FGFR3: variants seen among roughly 807,000 people sequenced by gnomAD.
FGFR3 encodes the protein fibroblast growth factor receptor 3, also known as FGFR-3.
A neutral mutation model predicts 82.9 loss-of-function variants in FGFR3; 25 were observed. The observed-to-expected ratio is 0.30, with a 90% CI of 0.22 to 0.42. The LOEUF is 0.42. Among genes scored for constraint, FGFR3 ranks in the 10% least tolerant of loss-of-function variants. The probability of loss-of-function intolerance (pLI) is 1.00; values close to 1 mark genes in which losing one functional copy is unlikely to be tolerated. For missense variants in FGFR3, 1,026 were observed against 1,161.0 expected, an observed-to-expected ratio of 0.88 and a Z score of 1.69; for synonymous variants, 620 against 516.0, an observed-to-expected ratio of 1.20 and a Z score of -2.73.
chr4:1,794,488 G>C (rs1192755816), intron 2 of FGFR3, among the ~76,000 whole-genome samples: 5 of 152,196 alleles, frequency 3.3e-5, no homozygotes, highest in Non-Finnish European at 7.4e-5. Context: ...AAGGGTGGGT[G>C]TGCGCGTCAG....
rs746250770 is a variant in FGFR3, at chr4:1,806,342, G to C, written c.2030+15G>C. The C allele has an allele frequency of 6.2e-7, 1 of 1,612,936 alleles. No individual in the cohort carries two copies. Among genetic ancestry groups the C allele is most frequent in the Non-Finnish European group, 8.5e-7 (1 of 1,179,934 alleles). On this transcript the variant is annotated intron_variant, in intron 15 of 17. Coordinates refer to ENST00000440486, the MANE Select transcript of FGFR3 (RefSeq NM_000142.5). The stretch of plus-strand genomic sequence containing the variant: ...CAGAGTGACGTGTACGTGTCCTGCA[G>C]AGCTCAGGCTTCAGGGGTGGAGGCG...
intron 4 of FGFR3, 152 bp downstream of exon 4, chr4:1,799,964 G>A (rs1720998429): frequency 1.2e-6 from 1 of 839,646 alleles, no homozygotes; most frequent in Admixed American, 2.7e-5. Context: ...TACAGGAGGG[G>A]CTGGGTCACT....
In FGFR3 at chr4:1,806,169, C is replaced by G. The variant is rs753665954; in HGVS notation, c.1955C>G (p.Thr652Ser). The change falls in exon 14 of 18, where the codon ACC becomes AGC. Residue 652 changes from threonine to serine, a missense_variant. By Grantham distance (58) the Thr-to-Ser change is moderately conservative (BLOSUM62 1). This residue lies in a region of FGFR3 where 45 missense variants were observed against 80.8 expected (regional missense o/e 0.56). Transcript: ENST00000440486. ...VHNLDYYKKT[T>S]NGRLPVKWMA... ...AACCTCGACTACTACAAGAAGACGA[C>G]CAACGTGAGCCCGGCCCTGGGGTGC... 31 of 1,612,660 alleles carry G rather than the reference C, an allele frequency of 1.9e-5. No homozygotes were observed. The highest frequency in any genetic ancestry group is 2.5e-5 in the Non-Finnish European group (29 of 1,179,672).
rs1207584243 is a variant in FGFR3, at chr4:1,801,461, C to G, written c.540C>G (p.Gly180=). Reference sequence around the variant, plus strand: ...TCCGCTTCCGCTGCCCAGCCGCTGGCAACCCCACTCCCTCCATCTCCTGGC... The same window carrying G: ...TCCGCTTCCGCTGCCCAGCCGCTGGGAACCCCACTCCCTCCATCTCCTGGC... ...NTVRFRCPAA[G]NPTPSISWLK... is the part of the protein sequence containing the mutation. The change falls in exon 5 of 18, where the codon GGC becomes GGG. Residue 180 remains glycine, a synonymous_variant. Coordinates refer to ENST00000440486, the MANE Select transcript of FGFR3 (RefSeq NM_000142.5). The G allele has an allele frequency of 6.4e-7, 1 of 1,553,616 alleles. No individual in the cohort carries two copies. Among genetic ancestry groups the G allele is most frequent in the Non-Finnish European group, 8.7e-7 (1 of 1,148,862 alleles).
In FGFR3 at chr4:1,801,310, C is replaced by CTT. The variant is rs1261578167; in HGVS notation, c.446-57_446-56insTT. The CTT allele has an allele frequency of 2.0e-6, 3 of 1,526,888 alleles. No homozygotes were observed. The African/African-American group carries it at 4.1e-5, about 21-fold the overall frequency. 94.6% of individuals were successfully genotyped at this position (1,526,888 alleles called of 1,614,324 possible). Reference sequence around the variant, plus strand: ...GGGCAGCTCTGGGAAGGGGGTTGTTCAGAGGGGCCTCTGCTCCCACTCGGG... The same window carrying CTT: ...GGGCAGCTCTGGGAAGGGGGTTGTTCTTAGAGGGGCCTCTGCTCCCACTCGGG... On this transcript the variant is annotated intron_variant, in intron 4 of 17. Transcript: ENST00000440486.
At position 1,799,356 on chromosome 4, in the gene FGFR3, C is replaced by T. The variant is rs1427631449; in HGVS notation, c.212C>T (p.Pro71Leu). 2 of 1,612,440 alleles carry T rather than the reference C, an allele frequency of 1.2e-6. No homozygotes were observed. Among genetic ancestry groups the T allele is most frequent in the African/African-American group, 1.3e-5 (1 of 74,930 alleles). The change falls in exon 3 of 18, where the codon CCC (proline) becomes CTC (leucine). Residue 71 changes from proline to leucine, a missense_variant. By Grantham distance (98) the Pro-to-Leu change is moderately conservative (BLOSUM62 -3). Coordinates refer to ENST00000440486, the MANE Select transcript of FGFR3 (RefSeq NM_000142.5). ...CPPPGGGPMGPTVWVKDGTGL... is the reference protein window; with the variant it reads ...CPPPGGGPMGLTVWVKDGTGL... ...CCGCCCGGGGGTGGTCCCATGGGGC[C>T]CACTGTCTGGGTCAAGGATGGCACA...
chr4:1,797,782 C>T (rs184125090), intron 2 of FGFR3, among the ~76,000 whole-genome samples: 66 of 152,270 alleles, frequency 4.3e-4, no homozygotes, highest in African/African-American at 1.1e-3. Flanking sequence ...AGGGCTCCTT[C>T]GGATGCTTCA....
chr4:1,793,633 C>T (rs1361082594), intron 1 of FGFR3, among the ~76,000 whole-genome samples, 168 bp downstream of exon 1: 1 of 148,914 alleles, frequency 6.7e-6, no homozygotes, highest in Non-Finnish European at 1.5e-5. Context: ...GAGGGCTTTG[C>T]AGCAGCCAGG....
At chr4:1,796,193 A>G (rs1186745236) in intron 2 of FGFR3, among the ~76,000 whole-genome samples, 2 of 152,152 alleles carry the variant, frequency 1.3e-5, no homozygotes, top group African/African-American at 4.8e-5. Context: ...CTGGACCTCT[A>G]GGCTGCCAGC....
intron 16 of FGFR3, 44 bp downstream of exon 16, chr4:1,806,727 G>C: frequency 6.2e-7 from 1 of 1,607,786 alleles, no homozygotes; most frequent in Non-Finnish European, 8.5e-7. Context: ...CAGGGGTGGG[G>C]GTCCCTCCGG....
Position 1,807,105 on chromosome 4 carries a change from C to G in FGFR3, c.2275-11C>G, listed in dbSNP as rs770134281. ...CGGTGGCACAGCGCTCACCCCGCCTCCCGCCAGCAGGAGTACCTGGACCTG... is the reference window on the plus strand; with the variant it reads ...CGGTGGCACAGCGCTCACCCCGCCTGCCGCCAGCAGGAGTACCTGGACCTG... On this transcript the variant is annotated splice_polypyrimidine_tract_variant and intron_variant, in intron 17 of 17. Transcript: ENST00000440486. 1.3e-6 allele frequency: 2 copies of G among 1,571,424 alleles called. No homozygotes were observed. The highest frequency in any genetic ancestry group is 2.3e-5 in the South Asian group (2 of 86,060).
rs767383309 is a variant in FGFR3 at position 1,803,108 on chromosome 4, C to G, written c.931-584C>G. The G allele has an allele frequency of 1.1e-5, 16 of 1,509,504 alleles. No homozygotes were observed. The South Asian group carries it at 1.9e-4, about 18-fold the overall frequency. 93.5% of individuals were successfully genotyped at this position (1,509,504 alleles called of 1,614,324 possible). A position where few individuals can be genotyped will look rare whatever the true frequency, so the allele number is the denominator to read the frequency against. On this transcript the variant is annotated intron_variant, in intron 7 of 17. Coordinates refer to ENST00000440486, the MANE Select transcript of FGFR3 (RefSeq NM_000142.5). ...GCCGGCCGGCACAAGAGCTCCAGCT[C>G]CAAGGCCCTGGCCGCGCGCCCTGCA...
In FGFR3 at chr4:1,804,415, C is replaced by T. The variant is rs2108797343; in HGVS notation, c.1161C>T (p.Ile387=). Residue 387 remains isoleucine, a synonymous_variant, in exon 9 of 18, where the codon ATC becomes ATT. Coordinates refer to ENST00000440486, the MANE Select transcript of FGFR3 (RefSeq NM_000142.5). ...ACGGGGTGGGCTTCTTCCTGTTCAT[C>T]CTGGTGGTGGCGGCTGTGACGCTCT... ...LSYGVGFFLF[I]LVVAAVTLCR... 5 of 1,613,126 alleles carry T rather than the reference C, an allele frequency of 3.1e-6. No individual in the cohort carries two copies. The highest frequency in any genetic ancestry group is 4.2e-6 in the Non-Finnish European group (5 of 1,179,682).
chr4:1,794,694 G>C (rs1720260002), intron 2 of FGFR3, among the ~76,000 whole-genome samples: 1 of 152,136 alleles, frequency 6.6e-6, no homozygotes, highest in Non-Finnish European at 1.5e-5. Flanking sequence ...TCGAGGGTCT[G>C]AAGGGAGGTC....
At chr4:1,799,544 A>G in intron 3 of FGFR3, 21 bp downstream of exon 3, 1 of 1,550,828 alleles carries the variant, frequency 6.4e-7, no homozygotes, top group Non-Finnish European at 8.7e-7. Context: ...GGGCCACGCC[A>G]GCTACAGAAA....
chr4:1,801,136 C>A (rs926764296), intron 4 of FGFR3, among the ~76,000 whole-genome samples: 1 of 152,170 alleles, frequency 6.6e-6, no homozygotes, highest in Non-Finnish European at 1.5e-5. Context: ...CTTCACAGGT[C>A]CGGGCAGAGC....
chr4:1,798,541 C>T (rs549004906), intron 2 of FGFR3, among the ~76,000 whole-genome samples: 4 of 152,134 alleles, frequency 2.6e-5, no homozygotes, highest in South Asian at 2.1e-4. Context: ...CCCCCACCCC[C>T]GCCCCGGCCC....
chr4:1,806,170 C>G lies in FGFR3; in HGVS notation c.1956C>G (p.Thr652=), dbSNP rs1721886926. The G allele has an allele frequency of 1.2e-6, 2 of 1,612,778 alleles. No individual in the cohort carries two copies. Among genetic ancestry groups the G allele is most frequent in the Non-Finnish European group, 8.5e-7 (1 of 1,179,652 alleles). ...VHNLDYYKKT[T]NGRLPVKWMA... is the part of the protein sequence containing the mutation. ...ACCTCGACTACTACAAGAAGACGAC[C>G]AACGTGAGCCCGGCCCTGGGGTGCG... The change falls in exon 14 of 18, where the codon ACC becomes ACG. Residue 652 remains threonine (T), a synonymous_variant. Coordinates refer to ENST00000440486, the MANE Select transcript of FGFR3 (RefSeq NM_000142.5).
intron 4 of FGFR3, 93 bp downstream of exon 4, chr4:1,799,905 C>T (rs1720991635): frequency 5.7e-6 from 8 of 1,395,576 alleles, no homozygotes; most frequent in East Asian, 4.7e-5. Context: ...GGACTAAGGC[C>T]CCGGAACAAC....
Sources: allele counts gnomAD v4.1 joint callset (sites outside exome capture counted in the v4.1 genomes callset), GRCh38; gene constraint gnomAD v4.1.1; regional missense constraint gnomAD v4.1.1; transcripts MANE v1.5; gene names NCBI Gene and HGNC (gene_info 2026-07-23, HGNC 2026-07-21).